Variants in SEPTIN7 observed in about 807,000 individuals in gnomAD.
SEPTIN7 encodes the protein septin-7.
Under a neutral mutation model 63.3 loss-of-function variants are expected in SEPTIN7, and 10 were observed. The observed-to-expected ratio is 0.16, with a 90% CI of 0.10 to 0.27. The LOEUF (loss-of-function observed/expected upper bound fraction) is 0.27, where lower values mean the gene tolerates loss of function less well. Ranked by LOEUF, SEPTIN7 falls within the 10% of genes least tolerant of loss-of-function variation. SEPTIN7 has a pLI of 1.00. For synonymous variants in SEPTIN7, 131 were observed against 165.3 expected (o/e 0.79, Z 1.59); for missense variants, 310 against 521.0 (o/e 0.59, Z 3.94).
intron 1 of SEPTIN7, among the ~76,000 whole-genome samples, chr7:35,824,926 A>G (rs1436021896): frequency 6.6e-6 from 1 of 152,190 alleles, no homozygotes; most frequent in East Asian, 1.9e-4. Flanking sequence ...GATATTTTAC[A>G]CTTACAGCAC....
chr7:35,870,033 A>G (rs1413839817), intron 4 of SEPTIN7, among the ~76,000 whole-genome samples: 2 of 152,214 alleles, frequency 1.3e-5, no homozygotes, highest in African/African-American at 4.8e-5. Context: ...TTTGTTTTCC[A>G]TGGATCCCAT....
At chr7:35,865,602 G>A (rs1472155171) in intron 4 of SEPTIN7, among the ~76,000 whole-genome samples, 1 of 150,482 alleles carries the variant, frequency 6.6e-6, no homozygotes, top group African/African-American at 2.4e-5. Context: ...GTGGACTTAG[G>A]CACTCATTGC....
chr7:35,853,921 A>G (rs1019338735), intron 3 of SEPTIN7, among the ~76,000 whole-genome samples: 6 of 152,154 alleles, frequency 3.9e-5, no homozygotes, highest in African/African-American at 1.4e-4. Flanking sequence ...CTTTGGCACT[A>G]GTAAGTTATT....
rs1176058523 is a variant in SEPTIN7 at position 35,844,783 on chromosome 7, A to G, written c.169+11883A>G. Reference sequence around the variant, plus strand: ...ACACCAGGCTAATTTTTGTATTTTTAGTAAAGACAGGATTTCACCATGTTG... The same window carrying G: ...ACACCAGGCTAATTTTTGTATTTTTGGTAAAGACAGGATTTCACCATGTTG... On this transcript the variant is annotated intron_variant, in intron 3 of 13. Coordinates refer to ENST00000350320, the MANE Select transcript of SEPTIN7 (RefSeq NM_001788.6). Among the ~76,000 whole-genome samples, 3 of 152,070 alleles carry G rather than the reference A, an allele frequency of 2.0e-5. No individual in the cohort carries two copies. The South Asian group carries it at 6.2e-4, about 32-fold the overall frequency.
chr7:35,909,261 C>G (rs1404349278), downstream of SEPTIN7, among the ~76,000 whole-genome samples: 3 of 152,194 alleles, frequency 2.0e-5, no homozygotes, highest in Non-Finnish European at 4.4e-5. Flanking sequence ...CAAATGAAAT[C>G]TTCCTTAGAC....
chr7:35,888,123 GAAAAC>G (rs1787384574), intron 10 of SEPTIN7, among the ~76,000 whole-genome samples: 1 of 152,272 alleles, frequency 6.6e-6, no homozygotes, highest in African/African-American at 2.4e-5. Context: ...AATGGGGAAA[GAAAAC>G]AAAAGGAGAA....
At chr7:35,835,457 G>T (rs1394368850) in intron 3 of SEPTIN7, among the ~76,000 whole-genome samples, 1 of 152,174 alleles carries the variant, frequency 6.6e-6, no homozygotes, top group Non-Finnish European at 1.5e-5. Context: ...TGGAGCTGAA[G>T]AAACTGAGGC....
rs1366860036 is a variant in SEPTIN7, at chr7:35,906,471, G to A, written c.*2178G>A. ...AGGCCTAAGGAAAGGCCAGCCTGTAGAAAGCAAAATGGCAGTGTCTGTTCT... is the reference window on the plus strand; with the variant it reads ...AGGCCTAAGGAAAGGCCAGCCTGTAAAAAGCAAAATGGCAGTGTCTGTTCT... On this transcript the variant is annotated 3_prime_UTR_variant, in exon 14 of 14. Coordinates refer to ENST00000350320, the MANE Select transcript of SEPTIN7 (RefSeq NM_001788.6). The A allele has an allele frequency of 6.6e-6, 1 of 152,242 alleles. No individual in the cohort carries two copies. Among genetic ancestry groups the A allele is most frequent in the Non-Finnish European group, 1.5e-5 (1 of 68,058 alleles). The allele number at this position is 152,242 out of a possible 1,614,324, so 9.4% of individuals were successfully genotyped here.
downstream of SEPTIN7, among the ~76,000 whole-genome samples, chr7:35,908,251 AAT>A (rs1788671134): frequency 6.6e-6 from 1 of 152,218 alleles, no homozygotes; most frequent in South Asian, 2.1e-4. Context: ...TCATCCACAG[AAT>A]GTTCAAAGTT....
chr7:35,914,986 G>A, the SEPTIN7 span, among the ~76,000 whole-genome samples: 1 of 151,814 alleles, frequency 6.6e-6, no homozygotes, highest in Non-Finnish European at 1.5e-5. Flanking sequence ...ACATATGCAT[G>A]CGTGTGTACA....
intron 1 of SEPTIN7, among the ~76,000 whole-genome samples, chr7:35,821,749 C>G (rs188221274): frequency 1.1e-4 from 17 of 152,112 alleles, no homozygotes; most frequent in African/African-American, 4.1e-4. Context: ...CACATCATCA[C>G]CCAGTACTGG....
chr7:35,875,664 T>G (rs1412694329), intron 6 of SEPTIN7, among the ~76,000 whole-genome samples: 2 of 152,226 alleles, frequency 1.3e-5, no homozygotes, highest in Non-Finnish European at 2.9e-5. Flanking sequence ...AAAAACTGAC[T>G]TGGAACATGA....
chr7:35,854,802 A>G (rs908364694), intron 3 of SEPTIN7, among the ~76,000 whole-genome samples: 3 of 152,070 alleles, frequency 2.0e-5, no homozygotes, highest in African/African-American at 7.2e-5. Flanking sequence ...TAAATATTAT[A>G]TAATTTATGG....
At position 35,885,947 on chromosome 7, in the gene SEPTIN7, C is replaced by G. The variant is rs147628078; in HGVS notation, c.872+68C>G. ...CCTAAGTAAGAGTTGGACAGATTTA[C>G]TTTTTGCCTTCTATAAATGTAGCTA... On this transcript the variant is annotated intron_variant, in intron 10 of 13. Transcript: ENST00000350320. 1.3e-4 allele frequency: 146 copies of G among 1,094,506 alleles called. 2 individuals are homozygous for G. In the African/African-American group the frequency reaches 2.1e-3, roughly 16 times the overall value. The allele number at this position is 1,094,506 out of a possible 1,614,324, so 67.8% of individuals were successfully genotyped here. A position where few individuals can be genotyped will look rare whatever the true frequency, so the allele number is the denominator to read the frequency against.
At chr7:35,887,918 G>A (rs1375326464) in intron 10 of SEPTIN7, among the ~76,000 whole-genome samples, 2 of 152,196 alleles carry the variant, frequency 1.3e-5, no homozygotes, top group Non-Finnish European at 2.9e-5. Context: ...TATTACAGAT[G>A]TCTGTAAATC....
intron 4 of SEPTIN7, among the ~76,000 whole-genome samples, chr7:35,868,551 C>G (rs77994571): frequency 0.082 from 12,442 of 151,788 alleles, 579 homozygotes; most frequent in South Asian, 0.2. Context: ...GAAGTGGTAG[C>G]AAGATGGCAG....
chr7:35,858,339 C>T (rs1785313224), intron 3 of SEPTIN7, among the ~76,000 whole-genome samples: 1 of 152,064 alleles, frequency 6.6e-6, no homozygotes, highest in Non-Finnish European at 1.5e-5. Flanking sequence ...TTTTGAAGAA[C>T]CAACAATTGG....
intron 1 of SEPTIN7, among the ~76,000 whole-genome samples, chr7:35,814,499 T>C (rs1788925234): frequency 6.6e-6 from 1 of 152,136 alleles, no homozygotes. Flanking sequence ...TTTTTTAATA[T>C]TTTAGGTACT....
chr7:35,848,170 A>T (rs1165137600), intron 3 of SEPTIN7, among the ~76,000 whole-genome samples: 3 of 152,180 alleles, frequency 2.0e-5, no homozygotes, highest in Non-Finnish European at 4.4e-5. Context: ...TTTTCTTCCA[A>T]ATTAAAACTC....
Sources: allele counts gnomAD v4.1 joint callset (sites outside exome capture counted in the v4.1 genomes callset), GRCh38; gene constraint gnomAD v4.1.1; transcripts MANE v1.5; gene names NCBI Gene and HGNC (gene_info 2026-07-23, HGNC 2026-07-21).